SEMA6A: variants seen among roughly 807,000 people sequenced by gnomAD.
The protein encoded by SEMA6A is semaphorin-6A.
SEMA6A carries 25 observed loss-of-function variants against 96.8 expected under a neutral mutation model. The ratio of observed to expected loss-of-function variants is 0.26; its 90% CI spans 0.19 to 0.36. The LOEUF is 0.36. SEMA6A is among the 10% of genes least tolerant of loss of function. SEMA6A has a pLI of 1.00. For missense variants in SEMA6A, 1,363 were observed against 1,323.1 expected (o/e 1.03, Z -0.47); for synonymous variants, 612 against 518.0 (o/e 1.18, Z -2.46).
intron 1 of SEMA6A, among the ~76,000 whole-genome samples, chr5:116,534,345 C>T (rs751923645): frequency 2.6e-5 from 4 of 152,300 alleles, no homozygotes; most frequent in Non-Finnish European, 5.9e-5. Flanking sequence ...CTTCCCACTG[C>T]ACTTATAACA....
chr5:116,519,664 T>C lies in SEMA6A; in HGVS notation c.-38-14682A>G, dbSNP rs1306216954. ...TAAGTGGCTATAACGATGCTGTGTG[T>C]ACACACACACACACACACACACACA... On this transcript the variant is annotated intron_variant, in intron 1 of 18. Transcript: ENST00000343348. Among the ~76,000 whole-genome samples the C allele has an allele frequency of 2.7e-5, 4 of 146,934 alleles. No individual in the cohort carries two copies. In the East Asian group the frequency reaches 7.9e-4, roughly 29 times the overall value.
chr5:116,483,721 G>A (rs1756904739), intron 10 of SEMA6A, among the ~76,000 whole-genome samples: 1 of 152,114 alleles, frequency 6.6e-6, no homozygotes, highest in Non-Finnish European at 1.5e-5. Context: ...AATTTTAAAT[G>A]CTTATAAATT....
chr5:116,492,505 T>G (rs1342069079), intron 6 of SEMA6A: 1 of 152,094 alleles, frequency 6.6e-6, no homozygotes, highest in Non-Finnish European at 1.5e-5. Flanking sequence ...TAAACAGCTA[T>G]CAGGTACAGA....
intron 6 of SEMA6A, among the ~76,000 whole-genome samples, chr5:116,494,917 A>G (rs369041267): frequency 3.6e-5 from 5 of 139,804 alleles, no homozygotes; most frequent in Non-Finnish European, 6.4e-5. Flanking sequence ...CAGCCCTTGC[A>G]TAAAGCCAAA....
chr5:116,457,076 G>C (rs756387239), intron 18 of SEMA6A, among the ~76,000 whole-genome samples: 5 of 152,164 alleles, frequency 3.3e-5, no homozygotes, highest in Non-Finnish European at 7.4e-5. Context: ...AGAGCTCTGT[G>C]CTTATTGATC....
chr5:116,573,670 C>T (rs1379702256), intron 1 of SEMA6A, among the ~76,000 whole-genome samples: 1 of 152,102 alleles, frequency 6.6e-6, no homozygotes, highest in African/African-American at 2.4e-5. Context: ...TCTCCGCTTC[C>T]ACACCGTCTC....
chr5:116,458,233 T>C (rs1464760321), intron 18 of SEMA6A, among the ~76,000 whole-genome samples: 2 of 152,174 alleles, frequency 1.3e-5, no homozygotes, highest in South Asian at 4.1e-4. Flanking sequence ...CAAAACAAAA[T>C]CTAGATGAAC....
intron 1 of SEMA6A, among the ~76,000 whole-genome samples, chr5:116,521,759 G>C (rs1486236037): frequency 6.6e-6 from 1 of 152,198 alleles, no homozygotes; most frequent in Admixed American, 6.5e-5. Context: ...TGTGTGAAAG[G>C]CTGAGAAGTT....
chr5:116,499,951 G>A (rs1038819676), intron 3 of SEMA6A, among the ~76,000 whole-genome samples: 8 of 151,976 alleles, frequency 5.3e-5, no homozygotes, highest in Non-Finnish European at 1.0e-4. Context: ...TTTTTCCCCC[G>A]GAAACTCAAC....
intron 18 of SEMA6A, among the ~76,000 whole-genome samples, chr5:116,462,973 C>G (rs1373031715): frequency 2.0e-5 from 3 of 152,012 alleles, no homozygotes; most frequent in Admixed American, 2.0e-4. Context: ...CAAAGGGAAA[C>G]TTGATATCAT....
chr5:116,446,302 G>C lies in SEMA6A; in HGVS notation c.*311C>G, dbSNP rs937751878. On this transcript the variant is annotated 3_prime_UTR_variant, in exon 19 of 19. Transcript: ENST00000343348. Reference sequence around the variant, plus strand: ...TGTGTGTGTGGGGGTGGGGGATGGGGTAGGTATGTGCTTTTGGCTCATGTT... The same window carrying C: ...TGTGTGTGTGGGGGTGGGGGATGGGCTAGGTATGTGCTTTTGGCTCATGTT... 3 of 268,798 alleles carry C rather than the reference G, an allele frequency of 1.1e-5. No individual in the cohort carries two copies. The East Asian group carries it at 2.0e-4, about 18-fold the overall frequency. 16.7% of individuals were successfully genotyped at this position (268,798 alleles called of 1,614,324 possible).
At chr5:116,561,341 C>CGTTAT (rs1694842094) in intron 1 of SEMA6A, among the ~76,000 whole-genome samples, 1 of 152,134 alleles carries the variant, frequency 6.6e-6, no homozygotes, top group African/African-American at 2.4e-5. Flanking sequence ...TTTGGGGAAA[C>CGTTAT]GTTATCTCCT....
chr5:116,481,676 T>G (rs1756780034), intron 11 of SEMA6A, among the ~76,000 whole-genome samples: 1 of 151,908 alleles, frequency 6.6e-6, no homozygotes, highest in Admixed American at 6.6e-5. Context: ...AAACTTGGAG[T>G]GCAAATGCTG....
At chr5:116,449,338 C>T (rs918467592) in intron 18 of SEMA6A, 2 of 702,240 alleles carry the variant, frequency 2.8e-6, no homozygotes, top group Admixed American at 2.0e-5. Context: ...TCGGGAGACG[C>T]ATTTTTCATC....
At chr5:116,521,544 G>A (rs927038352) in intron 1 of SEMA6A, among the ~76,000 whole-genome samples, 2 of 152,176 alleles carry the variant, frequency 1.3e-5, no homozygotes, top group Non-Finnish European at 2.9e-5. Context: ...TGTCATGACC[G>A]TCTCTCATCC....
At chr5:116,478,782 C>G in intron 12 of SEMA6A, 64 bp from the exon 13 acceptor site, 2 of 1,495,276 alleles carry the variant, frequency 1.3e-6, no homozygotes, top group Non-Finnish European at 9.1e-7. Context: ...TTCCCTGTTC[C>G]ACTTCAAACA....
intron 1 of SEMA6A, among the ~76,000 whole-genome samples, chr5:116,530,802 T>C (rs1018368363): frequency 1.3e-5 from 2 of 152,166 alleles, no homozygotes; most frequent in African/African-American, 4.8e-5. Context: ...GCCTTTTCTT[T>C]AGGTGGTATA....
chr5:116,540,288 GT>G (rs1273478248), intron 1 of SEMA6A, among the ~76,000 whole-genome samples: 1 of 152,206 alleles, frequency 6.6e-6, no homozygotes, highest in Non-Finnish European at 1.5e-5. Context: ...AAGTAGATGA[GT>G]AAAAATTACG....
chr5:116,467,923 T>G (rs1436873589), intron 17 of SEMA6A, 176 bp from the exon 18 acceptor site: 2 of 621,114 alleles, frequency 3.2e-6, no homozygotes, highest in Non-Finnish European at 5.6e-6. Context: ...GTGTGGGGTG[T>G]GTTCAGCAGA....
Sources: gnomAD v4.1 joint callset for allele counts (sites outside exome capture counted in the v4.1 genomes callset) on GRCh38, gnomAD v4.1.1 for gene constraint, MANE v1.5 for transcripts, NCBI Gene and HGNC (gene_info 2026-07-23, HGNC 2026-07-21) for gene names.